The following DCC variants were observed in gnomAD, a reference collection of about 807,000 sequenced individuals.
The protein encoded by DCC is netrin receptor DCC.
DCC carries 58 observed loss-of-function variants against 172.5 expected under a neutral mutation model. The observed-to-expected ratio is 0.34, with a 90% CI of 0.27 to 0.42. The LOEUF is 0.42. Among genes scored for constraint, DCC ranks in the 10% least tolerant of loss-of-function variants. The pLI is 1.00. For missense variants in DCC, 1,740 were observed against 1,791.0 expected, an observed-to-expected ratio of 0.97 and a Z score of 0.51; for synonymous variants, 709 against 644.5, an observed-to-expected ratio of 1.10 and a Z score of -1.52.
At chr18:52,835,606 T>C (rs920648051) in intron 2 of DCC, among the ~76,000 whole-genome samples, 2 of 152,220 alleles carry the variant, frequency 1.3e-5, no homozygotes, top group African/African-American at 4.8e-5. Flanking sequence ...CTTCAAAGAA[T>C]CTTCACTTTA....
intron 19 of DCC, among the ~76,000 whole-genome samples, chr18:53,405,019 C>T (rs1909570210): frequency 6.6e-6 from 1 of 151,916 alleles, no homozygotes; most frequent in Non-Finnish European, 1.5e-5. Flanking sequence ...AGGGAGCAAA[C>T]AATAAGAACC....
chr18:53,397,233 G>C, intron 17 of DCC, 75 bp from the exon 18 acceptor site: 2 of 1,390,542 alleles, frequency 1.4e-6, no homozygotes, highest in South Asian at 2.3e-5. Flanking sequence ...TTATTTAATA[G>C]TCTTTTTATA....
intron 1 of DCC, among the ~76,000 whole-genome samples, chr18:52,733,803 G>A (rs569115883): frequency 1.6e-4 from 25 of 152,180 alleles, no homozygotes; most frequent in African/African-American, 5.5e-4. Context: ...GCAGACATTG[G>A]CATTTTATCC....
At chr18:53,082,702 CTCTT>C (rs1437001682) in intron 7 of DCC, among the ~76,000 whole-genome samples, 1 of 152,020 alleles carries the variant, frequency 6.6e-6, no homozygotes, top group East Asian at 1.9e-4. Context: ...CTAAGTATGT[CTCTT>C]TCTTATAGTT....
intron 12 of DCC, among the ~76,000 whole-genome samples, chr18:53,229,174 T>C (rs1347275440): frequency 6.6e-6 from 1 of 152,136 alleles, no homozygotes; most frequent in African/African-American, 2.4e-5. Flanking sequence ...TTCCACACTT[T>C]TGTAATGGAA....
intron 2 of DCC, among the ~76,000 whole-genome samples, chr18:52,785,576 G>C (rs1289821982): frequency 6.6e-6 from 1 of 151,960 alleles, no homozygotes; most frequent in South Asian, 2.1e-4. Flanking sequence ...TCAATCTAAG[G>C]GTCCTCAGAA....
intron 7 of DCC, among the ~76,000 whole-genome samples, chr18:53,150,280 A>T (rs2043978791): frequency 1.3e-5 from 2 of 152,254 alleles, no homozygotes; most frequent in East Asian, 3.8e-4. Context: ...AGTAATGCTC[A>T]GTCTTCTCCC....
intron 2 of DCC, among the ~76,000 whole-genome samples, chr18:52,816,095 A>G (rs1568122104): frequency 6.6e-6 from 1 of 152,222 alleles, no homozygotes; most frequent in East Asian, 1.9e-4. Flanking sequence ...CTTCTGTGCT[A>G]GGGAGATACT....
Position 52,490,835 on chromosome 18 carries a change from T to G in DCC, c.91+149957T>G, listed in dbSNP as rs574827107. On this transcript the variant is annotated intron_variant, in intron 1 of 28. Coordinates refer to ENST00000442544, the MANE Select transcript of DCC (RefSeq NM_005215.4). ...GAAAAAGAATATGTCTCCAGACCAATGCTAAAGCTTACCTATGGCTTCTAA... is the reference window on the plus strand; with the variant it reads ...GAAAAAGAATATGTCTCCAGACCAAGGCTAAAGCTTACCTATGGCTTCTAA... Among the ~76,000 whole-genome samples, 4 of 152,230 alleles carry G rather than the reference T, an allele frequency of 2.6e-5. No individual in the cohort carries two copies. The South Asian group carries it at 8.3e-4, about 32-fold the overall frequency.
intron 7 of DCC, among the ~76,000 whole-genome samples, chr18:53,140,488 A>G (rs2043814063): frequency 6.6e-6 from 1 of 152,188 alleles, no homozygotes; most frequent in Non-Finnish European, 1.5e-5. Flanking sequence ...GCCCCCAAAT[A>G]TAATAGAGTC....
intron 5 of DCC, chr18:52,941,098 G>A (rs973931645): frequency 6.6e-6 from 1 of 152,160 alleles, no homozygotes; most frequent in Non-Finnish European, 1.5e-5. Context: ...AAGGATATTA[G>A]TAACTGAAAC....
intron 12 of DCC, among the ~76,000 whole-genome samples, chr18:53,248,393 C>T (rs2056389960): frequency 6.6e-6 from 1 of 151,972 alleles, no homozygotes; most frequent in African/African-American, 2.4e-5. Context: ...CTAGAGGGTC[C>T]TAGGAAAGTT....
chr18:53,461,029 C>T (rs2045552387), intron 24 of DCC, among the ~76,000 whole-genome samples: 1 of 152,108 alleles, frequency 6.6e-6, no homozygotes, highest in Non-Finnish European at 1.5e-5. Context: ...CTCTGATGGC[C>T]AGTGATGGTG....
intron 1 of DCC, among the ~76,000 whole-genome samples, chr18:52,492,391 G>C (rs1449558280): frequency 6.6e-6 from 1 of 151,950 alleles, no homozygotes; most frequent in Non-Finnish European, 1.5e-5. Context: ...AGACATGATG[G>C]AGAGATAAGA....
In DCC at chr18:53,340,047, T is replaced by TACACAC. The variant is rs151131015; in HGVS notation, c.2359+164_2359+169dup. Reference sequence around the variant, plus strand: ...TTAGCTCTGAAAGCAACTGTCTATCTACACACACACACACACACACACACA... The same window carrying TACACAC: ...TTAGCTCTGAAAGCAACTGTCTATCTACACACACACACACACACACACACACACACA... On this transcript the variant is annotated intron_variant, in intron 15 of 28. Coordinates refer to ENST00000442544, the MANE Select transcript of DCC (RefSeq NM_005215.4). The TACACAC allele has an allele frequency of 9.8e-3, 5,781 of 590,298 alleles. 15 individuals carry two copies. The highest frequency in any genetic ancestry group is 0.021 in the Admixed American group (875 of 41,654). The allele number at this position is 590,298 out of a possible 1,614,324, so 36.6% of individuals were successfully genotyped here.
chr18:52,851,228 ATCCTATTTTT>A (rs1215450333), intron 2 of DCC, among the ~76,000 whole-genome samples: 3 of 152,082 alleles, frequency 2.0e-5, no homozygotes, highest in African/African-American at 7.2e-5. Context: ...GCTCTATTTT[ATCCTATTTTT>A]GTATCTCATT....
intron 1 of DCC, among the ~76,000 whole-genome samples, chr18:52,643,289 G>T (rs894985287): frequency 6.6e-6 from 1 of 152,134 alleles, no homozygotes; most frequent in Non-Finnish European, 1.5e-5. Flanking sequence ...AGTTTCCACA[G>T]GTGTACTGGG....
At chr18:53,201,428 C>T (rs772254151) in intron 9 of DCC, among the ~76,000 whole-genome samples, 5 of 152,150 alleles carry the variant, frequency 3.3e-5, no homozygotes, top group Non-Finnish European at 7.4e-5. Context: ...CCCTCACATA[C>T]GGCATATATC....
intron 1 of DCC, among the ~76,000 whole-genome samples, chr18:52,371,504 T>C (rs1568137284): frequency 6.6e-6 from 1 of 152,196 alleles, no homozygotes; most frequent in Non-Finnish European, 1.5e-5. Flanking sequence ...TACTAAGAGG[T>C]TTCAGAACGA....
Sources: gnomAD v4.1 joint callset for allele counts (sites outside exome capture counted in the v4.1 genomes callset) on GRCh38, gnomAD v4.1.1 for gene constraint, MANE v1.5 for transcripts, NCBI Gene and HGNC (gene_info 2026-07-23, HGNC 2026-07-21) for gene names.